Variants in PIBF1 observed in about 807,000 individuals in gnomAD.
PIBF1 encodes the protein progesterone-induced-blocking factor 1.
PIBF1 carries 90 observed loss-of-function variants against 112.5 expected under a neutral mutation model. That is an observed-to-expected ratio of 0.80 (90% CI 0.67 to 0.95). The LOEUF is 0.95. Among genes scored for constraint, PIBF1 ranks in the 40% least tolerant of loss-of-function variants. The probability of loss-of-function intolerance (pLI) is 0.00; values close to 1 mark genes in which losing one functional copy is unlikely to be tolerated. For synonymous variants in PIBF1, 301 were observed against 288.6 expected (o/e 1.04, Z -0.44); for missense variants, 915 against 852.3 (o/e 1.07, Z -0.92).
chr13:73,008,488 C>T (rs1156738530), intron 17 of PIBF1, among the ~76,000 whole-genome samples: 2 of 152,154 alleles, frequency 1.3e-5, no homozygotes, highest in Non-Finnish European at 2.9e-5. Flanking sequence ...AGGCTTCTGT[C>T]ACAGCAGACC....
At chr13:72,896,547 A>G (rs1272084294) in intron 11 of PIBF1, among the ~76,000 whole-genome samples, 1 of 152,174 alleles carries the variant, frequency 6.6e-6, no homozygotes, top group African/African-American at 2.4e-5. Flanking sequence ...AGGAAATCCA[A>G]AAAATGGTAC....
chr13:72,799,024 G>C (rs550469326), intron 5 of PIBF1, among the ~76,000 whole-genome samples: 1 of 152,292 alleles, frequency 6.6e-6, no homozygotes, highest in South Asian at 2.1e-4. Context: ...ACCCAAGAGA[G>C]GCAATGCCTG....
intron 15 of PIBF1, among the ~76,000 whole-genome samples, chr13:72,966,989 G>A (rs1046192073): frequency 6.7e-6 from 1 of 150,368 alleles, no homozygotes; most frequent in African/African-American, 2.5e-5. Flanking sequence ...AGGCTGGAGT[G>A]CAATGATGTG....
chr13:72,822,636 CCTTAT>C lies in PIBF1; in HGVS notation c.806+659_806+663del, dbSNP rs559626181. 8.1e-4 allele frequency among the ~76,000 whole-genome samples: 123 copies of C among 152,182 alleles called. 1 individual carries two copies. Among genetic ancestry groups the C allele is most frequent in the African/African-American group, 2.7e-3 (114 of 41,520 alleles). On this transcript the variant is annotated intron_variant, in intron 6 of 17. Coordinates refer to ENST00000326291, the MANE Select transcript of PIBF1 (RefSeq NM_006346.4). ...TGCATATGTAATATAAATGGAATGA[CCTTAT>C]CTTAATTGTTCACTCCACTTGAAAT...
chr13:73,001,551 G>C (rs995040172), intron 17 of PIBF1, among the ~76,000 whole-genome samples: 10 of 136,750 alleles, frequency 7.3e-5, no homozygotes, highest in African/African-American at 2.6e-4. Context: ...GAGCAGTGCT[G>C]TGACGCAGAG....
intron 5 of PIBF1, among the ~76,000 whole-genome samples, chr13:72,810,441 C>T (rs2035954155): frequency 6.6e-6 from 1 of 152,172 alleles, no homozygotes; most frequent in East Asian, 1.9e-4. Context: ...GTCAAGAGTA[C>T]TTCCTTGTTT....
intron 10 of PIBF1, among the ~76,000 whole-genome samples, chr13:72,882,257 G>C (rs1349663550): frequency 1.3e-5 from 2 of 152,290 alleles, no homozygotes; most frequent in East Asian, 3.9e-4. Flanking sequence ...AATAAAATTA[G>C]ACCCCTATCT....
chr13:72,901,003 C>T (rs774113501), intron 11 of PIBF1: 12 of 403,892 alleles, frequency 3.0e-5, no homozygotes, highest in Non-Finnish European at 5.4e-5. Flanking sequence ...CCCTGGGCAA[C>T]CAGAGCAAAA....
At position 72,976,421 on chromosome 13, in the gene PIBF1, C is replaced by A. The variant is rs78429968; in HGVS notation, c.2049+2746C>A. Reference sequence around the variant, plus strand: ...GAAACTACTCATTAATTGCCTACTACTACATGTTATTACTGGTATTTGTAT... The same window carrying A: ...GAAACTACTCATTAATTGCCTACTAATACATGTTATTACTGGTATTTGTAT... On this transcript the variant is annotated intron_variant, in intron 16 of 17. Transcript: ENST00000326291. Among the ~76,000 whole-genome samples, 970 of 152,238 alleles carry A rather than the reference C, an allele frequency of 6.4e-3. 13 individuals are homozygous for A. Among genetic ancestry groups the A allele is most frequent in the African/African-American group, 0.022 (900 of 41,562 alleles).
chr13:72,798,225 G>T (rs1226095499), intron 5 of PIBF1, among the ~76,000 whole-genome samples, 199 bp downstream of exon 5: 1 of 152,194 alleles, frequency 6.6e-6, no homozygotes, highest in African/African-American at 2.4e-5. Context: ...CTGTGTTATT[G>T]ACGTATCCTA....
At chr13:72,813,720 A>C (rs1162424624) in intron 5 of PIBF1, among the ~76,000 whole-genome samples, 1 of 152,210 alleles carries the variant, frequency 6.6e-6, no homozygotes, top group Non-Finnish European at 1.5e-5. Context: ...TGTAACTTCA[A>C]AATCCCAGAA....
At chr13:72,961,487 C>T (rs2042606446) in intron 14 of PIBF1, among the ~76,000 whole-genome samples, 1 of 151,840 alleles carries the variant, frequency 6.6e-6, no homozygotes, top group Non-Finnish European at 1.5e-5. Context: ...ATTTCTTGTC[C>T]CAGGAAAACA....
At chr13:72,825,098 C>T (rs2036741331) in intron 6 of PIBF1, among the ~76,000 whole-genome samples, 1 of 151,928 alleles carries the variant, frequency 6.6e-6, no homozygotes, top group South Asian at 2.1e-4. Flanking sequence ...AACCCCATGA[C>T]ATCTAGATGC....
chr13:72,992,008 G>A (rs551042848), intron 16 of PIBF1, among the ~76,000 whole-genome samples: 6 of 152,042 alleles, frequency 3.9e-5, no homozygotes, highest in South Asian at 2.1e-4. Context: ...GTCAGCCACC[G>A]TGCCCAGCCC....
intron 16 of PIBF1, among the ~76,000 whole-genome samples, chr13:72,997,773 G>T (rs573893105): frequency 6.6e-6 from 1 of 152,254 alleles, no homozygotes; most frequent in South Asian, 2.1e-4. Context: ...CTGTTACATA[G>T]CCTACCACTG....
chr13:72,999,697 A>G (rs2043794322), intron 17 of PIBF1, among the ~76,000 whole-genome samples: 1 of 152,246 alleles, frequency 6.6e-6, no homozygotes, highest in Non-Finnish European at 1.5e-5. Context: ...GAAGATTAAT[A>G]GGATGAAAGA....
At chr13:72,994,842 T>A (rs1459521723) in intron 16 of PIBF1, among the ~76,000 whole-genome samples, 1 of 152,226 alleles carries the variant, frequency 6.6e-6, no homozygotes, top group East Asian at 1.9e-4. Context: ...GCCTGTTATG[T>A]TGGATTGTTT....
chr13:72,879,533 T>G (rs1479273809), intron 10 of PIBF1, among the ~76,000 whole-genome samples: 1 of 151,980 alleles, frequency 6.6e-6, no homozygotes, highest in Non-Finnish European at 1.5e-5. Context: ...GACCTGAGAG[T>G]CTTAATAAAA....
At chr13:73,000,274 G>A (rs1054961346) in intron 17 of PIBF1, among the ~76,000 whole-genome samples, 3 of 152,096 alleles carry the variant, frequency 2.0e-5, no homozygotes, top group Admixed American at 2.0e-4. Context: ...ACAGCCCTTT[G>A]TCTTGAAACA....
Sources: allele counts gnomAD v4.1 joint callset (sites outside exome capture counted in the v4.1 genomes callset), GRCh38; gene constraint gnomAD v4.1.1; transcripts MANE v1.5; gene names NCBI Gene and HGNC (gene_info 2026-07-23, HGNC 2026-07-21).